The following FSIP1 variants were observed in gnomAD, a reference collection of about 807,000 sequenced individuals.
The protein encoded by FSIP1 is fibrous sheath-interacting protein 1.
A neutral mutation model predicts 60.9 loss-of-function variants in FSIP1; 65 were observed. The ratio of observed to expected loss-of-function variants is 1.07; its 90% CI spans 0.87 to 1.31. The LOEUF is 1.31. Among genes scored for constraint, FSIP1 ranks in the 40% most tolerant of loss-of-function variants. The pLI, the probability that FSIP1 is intolerant of heterozygous loss-of-function variation, is 0.00. For missense variants in FSIP1, 675 were observed against 665.5 expected (o/e 1.01, Z -0.16); for synonymous variants, 209 against 221.2 (o/e 0.94, Z 0.49).
rs114248128 is a variant in FSIP1, at chr15:39,659,980, T to C, written c.1189-41735A>G. Among the ~76,000 whole-genome samples the C allele has an allele frequency of 9.3e-3, 1,413 of 152,278 alleles. 28 individuals carry two copies. Among genetic ancestry groups the C allele is most frequent in the African/African-American group, 0.033 (1,360 of 41,546 alleles). ...AAACACAAGACTTAGTGTGACTTCT[T>C]TTTTACTTCTATCCCTTCTCCCATC... On this transcript the variant is annotated intron_variant, in intron 10 of 11. Transcript: ENST00000350221.
chr15:39,613,354 C>A (rs1347654420), intron 11 of FSIP1, among the ~76,000 whole-genome samples: 1 of 151,976 alleles, frequency 6.6e-6, no homozygotes, highest in Non-Finnish European at 1.5e-5. Flanking sequence ...TATTGGATAA[C>A]CTAGATGTGA....
At chr15:39,747,470 T>G (rs771805185) in intron 5 of FSIP1, 2 of 152,206 alleles carry the variant, frequency 1.3e-5, no homozygotes, top group African/African-American at 2.4e-5. Context: ...GATCATTCCT[T>G]TATATAGCAA....
intron 10 of FSIP1, among the ~76,000 whole-genome samples, chr15:39,624,270 A>G (rs1172964480): frequency 6.6e-6 from 1 of 152,230 alleles, no homozygotes. Flanking sequence ...ATCAGAAGGA[A>G]CCTGCCACTT....
At chr15:39,771,076 T>G (rs1053067713) in intron 2 of FSIP1, among the ~76,000 whole-genome samples, 1 of 152,254 alleles carries the variant, frequency 6.6e-6, no homozygotes, top group African/African-American at 2.4e-5. Flanking sequence ...TATTTCTATG[T>G]TATTCACAGT....
At chr15:39,689,026 T>G (rs1894493545) in intron 10 of FSIP1, among the ~76,000 whole-genome samples, 1 of 152,202 alleles carries the variant, frequency 6.6e-6, no homozygotes, top group Non-Finnish European at 1.5e-5. Context: ...CAGGCCTCTC[T>G]GACCTGGACT....
chr15:39,677,697 T>C (rs918471976), intron 10 of FSIP1, among the ~76,000 whole-genome samples: 1 of 152,170 alleles, frequency 6.6e-6, no homozygotes, highest in Admixed American at 6.5e-5. Context: ...ACAAGGAACG[T>C]AGTACTAGGC....
At chr15:39,606,492 T>C (rs1394948294) in intron 11 of FSIP1, among the ~76,000 whole-genome samples, 1 of 152,210 alleles carries the variant, frequency 6.6e-6, no homozygotes, top group Non-Finnish European at 1.5e-5. Flanking sequence ...CTTCTAGCTA[T>C]CTGAAAATAT....
intron 10 of FSIP1, among the ~76,000 whole-genome samples, chr15:39,667,178 A>C (rs1893528800): frequency 6.6e-6 from 1 of 152,226 alleles, no homozygotes; most frequent in African/African-American, 2.4e-5. Context: ...ATTACATTTA[A>C]AGGTTATCAC....
chr15:39,598,254 T>TG (rs1048001450), downstream of FSIP1: 1 of 152,240 alleles, frequency 6.6e-6, no homozygotes, highest in Non-Finnish European at 1.5e-5. Context: ...TAGAAAGGAC[T>TG]GGCTGGGTGA....
At chr15:39,724,872 C>A (rs1338972022) in intron 9 of FSIP1, among the ~76,000 whole-genome samples, 3 of 152,208 alleles carry the variant, frequency 2.0e-5, no homozygotes, top group African/African-American at 7.2e-5. Flanking sequence ...ATTATCCCAT[C>A]TAGGGTTCCT....
chr15:39,709,915 A>G (rs1029911843), intron 10 of FSIP1, among the ~76,000 whole-genome samples: 1 of 152,166 alleles, frequency 6.6e-6, no homozygotes, highest in East Asian at 1.9e-4. Flanking sequence ...GCGGCCCAGT[A>G]CCTGGTCCTT....
chr15:39,609,283 C>T (rs1416543868), intron 11 of FSIP1, among the ~76,000 whole-genome samples: 1 of 152,154 alleles, frequency 6.6e-6, no homozygotes, highest in East Asian at 1.9e-4. Flanking sequence ...ACTGATCTGC[C>T]AGGCTTCATT....
chr15:39,758,895 C>A (rs541731646), intron 5 of FSIP1, among the ~76,000 whole-genome samples: 5 of 151,820 alleles, frequency 3.3e-5, no homozygotes, highest in Non-Finnish European at 7.4e-5. Flanking sequence ...AGTTCCTACA[C>A]GATAAAGCTA....
At chr15:39,627,115 ATACACAAGTCAAACGGCCAGGCTGCACT>A (rs1891674046) in intron 10 of FSIP1, among the ~76,000 whole-genome samples, 1 of 152,232 alleles carries the variant, frequency 6.6e-6, no homozygotes, top group Non-Finnish European at 1.5e-5. Flanking sequence ...TCCCAGCAGC[ATACACAAGTCAAACGGCCAGGCTGCACT>A]GACATTACAC....
chr15:39,715,734 T>C (rs1477173646), intron 9 of FSIP1, among the ~76,000 whole-genome samples: 1 of 151,710 alleles, frequency 6.6e-6, no homozygotes, highest in East Asian at 1.9e-4. Context: ...TGGTGGGAGG[T>C]GATTGGGTCA....
At position 39,738,078 on chromosome 15, in the gene FSIP1, A is replaced by C; in HGVS notation, c.891+13T>G. The C allele has an allele frequency of 6.3e-6, 9 of 1,436,752 alleles. No individual in the cohort carries two copies. The highest frequency in any genetic ancestry group is 8.8e-6 in the Non-Finnish European group (9 of 1,027,650). 89.0% of individuals were successfully genotyped at this position (1,436,752 alleles called of 1,614,324 possible). ...ATTAAGAAGTGTAGTGTTCCCTATC[A>C]GAGTTTACGTACCTCAGAACTGGAG... On this transcript the variant is annotated intron_variant, in intron 8 of 11. Coordinates refer to ENST00000350221, the MANE Select transcript of FSIP1 (RefSeq NM_152597.5).
chr15:39,632,370 G>T (rs1041487735), intron 10 of FSIP1, among the ~76,000 whole-genome samples: 9 of 151,992 alleles, frequency 5.9e-5, no homozygotes, highest in Admixed American at 2.6e-4. Flanking sequence ...TAGAGATGAG[G>T]TTTTGCCATG....
chr15:39,614,618 C>T (rs1430176595), intron 11 of FSIP1, among the ~76,000 whole-genome samples: 1 of 144,018 alleles, frequency 6.9e-6, no homozygotes, highest in Non-Finnish European at 1.5e-5. Context: ...GCACTCCAGC[C>T]TGGGTGACAG....
intron 11 of FSIP1, among the ~76,000 whole-genome samples, chr15:39,615,397 C>A: frequency 7.2e-6 from 1 of 138,456 alleles, no homozygotes; most frequent in Non-Finnish European, 1.5e-5. Context: ...ATATAAGGAA[C>A]TCAAACAACT....
Sources: gnomAD v4.1 joint callset for allele counts (sites outside exome capture counted in the v4.1 genomes callset) on GRCh38, gnomAD v4.1.1 for gene constraint, MANE v1.5 for transcripts, NCBI Gene and HGNC (gene_info 2026-07-23, HGNC 2026-07-21) for gene names.